The following GRAMD1A variants were observed in gnomAD, a reference collection of about 807,000 sequenced individuals.
GRAMD1A encodes protein Aster-A.
Under a neutral mutation model 92.0 loss-of-function variants are expected in GRAMD1A, and 50 were observed. That is an observed-to-expected ratio of 0.54 (90% confidence interval 0.43 to 0.69). GRAMD1A has a LOEUF of 0.69. Among genes scored for constraint, GRAMD1A ranks in the 30% least tolerant of loss-of-function variants. The pLI is 0.00. For synonymous variants in GRAMD1A, 405 were observed against 403.6 expected, an observed-to-expected ratio of 1.00 and a Z score of -0.04; for missense variants, 819 against 978.9, an observed-to-expected ratio of 0.84 and a Z score of 2.18.
intron 11 of GRAMD1A, among the ~76,000 whole-genome samples, chr19:35,018,385 G>C (rs1046213137): frequency 6.6e-6 from 1 of 152,176 alleles, no homozygotes; most frequent in Admixed American, 6.5e-5. Flanking sequence ...TAAATGACCA[G>C]ATCTCGGAAG....
At chr19:34,998,207 T>C (rs1035394387), upstream of GRAMD1A, 1 of 151,966 alleles carries the variant, frequency 6.6e-6, no homozygotes, top group African/African-American at 2.4e-5. Context: ...CATTTATTTC[T>C]TTTAAAAAAA....
chr19:34,998,997 C>G (rs1185333829), upstream of GRAMD1A, among the ~76,000 whole-genome samples: 3 of 151,944 alleles, frequency 2.0e-5, no homozygotes, highest in Non-Finnish European at 4.4e-5. Context: ...TTGCTTTTAC[C>G]TGGAGTGAGG....
chr19:35,002,892 A>T (rs2014493187), intron 1 of GRAMD1A: 1 of 152,180 alleles, frequency 6.6e-6, no homozygotes, highest in Non-Finnish European at 1.5e-5. Context: ...CTCTTTGCTG[A>T]GACTTCCTCG....
At chr19:35,024,457 G>A (rs2016297826) in intron 19 of GRAMD1A, among the ~76,000 whole-genome samples, 1 of 152,106 alleles carries the variant, frequency 6.6e-6, no homozygotes, top group African/African-American at 2.4e-5. Context: ...CGGTGGGTCA[G>A]AGCAAGTGTC....
intron 1 of GRAMD1A, among the ~76,000 whole-genome samples, chr19:35,006,884 A>C (rs1257243716): frequency 6.6e-6 from 1 of 152,168 alleles, no homozygotes; most frequent in Non-Finnish European, 1.5e-5. Flanking sequence ...ATGCGGAAGG[A>C]GAGCATTTGA....
intron 1 of GRAMD1A, among the ~76,000 whole-genome samples, chr19:35,006,088 G>C (rs775325413): frequency 6.6e-6 from 1 of 152,206 alleles, no homozygotes; most frequent in Non-Finnish European, 1.5e-5. Context: ...AGCACTTTGG[G>C]ATGCTGAGGC....
Position 35,022,915 on chromosome 19 carries a change from G to A in GRAMD1A, c.1853+4G>A. ...GCTGCTGCAGGATCTGTGTGAGGTA[G>A]GGTCCCGAGTCCTCCCCCTGCCCTC... On this transcript the variant is annotated splice_donor_region_variant and intron_variant, in intron 17 of 19. Coordinates refer to ENST00000317991, the MANE Select transcript of GRAMD1A (RefSeq NM_020895.5). 3 of 1,599,508 alleles carry A rather than the reference G, an allele frequency of 1.9e-6. No individual in the cohort carries two copies. The highest frequency in any genetic ancestry group is 2.6e-6 in the Non-Finnish European group (3 of 1,172,594).
intron 13 of GRAMD1A, among the ~76,000 whole-genome samples, 175 bp downstream of exon 13, chr19:35,019,708 A>T (rs1005498293): frequency 6.6e-6 from 1 of 152,102 alleles, no homozygotes; most frequent in African/African-American, 2.4e-5. Context: ...TGGCCCTGGG[A>T]TGGCTCCTCC....
chr19:35,010,040 C>T (rs992443966), intron 4 of GRAMD1A, 52 bp from the exon 5 acceptor site: 8 of 1,525,240 alleles, frequency 5.2e-6, no homozygotes, highest in South Asian at 3.4e-5. Context: ...CCGCGGGCGC[C>T]GGCTGAGCCT....
In GRAMD1A at chr19:35,014,302, C is replaced by T. The variant is rs1241748648; in HGVS notation, c.984C>T (p.Pro328=). The change falls in exon 10 of 20, where the codon CCC becomes CCT. Residue 328 remains proline (P), a synonymous_variant. Transcript: ENST00000317991. ...PSTEPTQPDG[P]TTLGPLDLLP... ...CAGAGCCCACCCAGCCTGACGGGCC[C>T]ACCACCCTGGGCCCCTTGGATCTGC... 6.2e-7 allele frequency: 1 copy of T among 1,614,162 alleles called. No individual in the cohort carries two copies. The highest frequency in any genetic ancestry group is 1.1e-5 in the South Asian group (1 of 91,086).
intron 3 of GRAMD1A, 41 bp from the exon 4 acceptor site, chr19:35,009,847 G>A (rs201538376): frequency 2.9e-5 from 35 of 1,195,308 alleles, no homozygotes; most frequent in Non-Finnish European, 4.4e-5. Flanking sequence ...CATTGGGAGT[G>A]TGAACCCCCA....
At chr19:35,025,971 A>G (rs2151741621) in intron 19 of GRAMD1A, 78 bp from the exon 20 acceptor site, 6 of 798,088 alleles carry the variant, frequency 7.5e-6, no homozygotes, top group East Asian at 2.5e-5. Flanking sequence ...CAGTTTCTCA[A>G]TGGCAAGGTG....
Position 35,013,463 on chromosome 19 carries a change from G to A in GRAMD1A, c.720-78G>A. On this transcript the variant is annotated intron_variant, in intron 8 of 19. Transcript: ENST00000317991. The surrounding 1 kb of genome is among the most constrained non-coding windows in gnomAD (Gnocchi z 4.9). ...GAGTGCTGGGGGGCCTGAGATGGTT[G>A]TATGACGTCTGGAGGATTCAGGAGG... 1.3e-6 allele frequency: 2 copies of A among 1,544,144 alleles called. No homozygotes were observed. The highest frequency in any genetic ancestry group is 1.7e-4 in the Middle Eastern group (1 of 5,870).
At chr19:34,997,168 C>A (rs1377763357), upstream of GRAMD1A, among the ~76,000 whole-genome samples, 1 of 152,054 alleles carries the variant, frequency 6.6e-6, no homozygotes, top group Non-Finnish European at 1.5e-5. Flanking sequence ...CCCTCCTCGG[C>A]CTCCCAAAGT....
At chr19:35,019,681 G>T in intron 13 of GRAMD1A, 148 bp downstream of exon 13, 1 of 775,674 alleles carries the variant, frequency 1.3e-6, no homozygotes, top group African/African-American at 1.7e-5. Flanking sequence ...TCCGAATAGT[G>T]GAGGGTAGAG....
At chr19:35,000,313 C>T (rs528677046), upstream of GRAMD1A, 89 of 1,048,544 alleles carry the variant, frequency 8.5e-5, no homozygotes, top group South Asian at 2.8e-3. This position sits in a 1 kb window ranked among gnomAD's most constrained non-coding sequence, Gnocchi z 4.9. Flanking sequence ...CGGCCTCCGG[C>T]GGCTCCGGCC....
intron 17 of GRAMD1A, 34 bp downstream of exon 17, chr19:35,022,945 C>T: frequency 2.7e-6 from 4 of 1,463,716 alleles, no homozygotes; most frequent in Non-Finnish European, 3.8e-6. Flanking sequence ...GCCCTCCCCT[C>T]CCTGCACCCC....
rs750877472 is a variant in GRAMD1A, at chr19:35,013,569, G to A, written c.748G>A (p.Ala250Thr). 13 of 1,610,772 alleles carry A rather than the reference G, an allele frequency of 8.1e-6. No homozygotes were observed. Among genetic ancestry groups the A allele is most frequent in the South Asian group, 3.3e-5 (3 of 90,682 alleles). The part of the protein sequence containing the change: ...GTPKEVGDVI[A>T]LSDITSSGAA... ...CCCCAAGGAAGTGGGAGATGTGATC[G>A]CCCTGAGCGACATCACCTCCTCGGG... is the stretch of plus-strand genomic sequence containing the variant. Residue 250 changes from alanine to threonine, a missense_variant, in exon 9 of 20, where the codon GCC (alanine) becomes ACC (threonine). By Grantham distance (58) the Ala-to-Thr change is moderately conservative. This residue lies in a region of GRAMD1A where 577 missense variants were observed against 674.6 expected (regional missense o/e 0.86). Transcript: ENST00000317991. The surrounding 1 kb of genome is among the most constrained non-coding windows in gnomAD (Gnocchi z 4.9).
rs940464410 is a variant in GRAMD1A, at chr19:35,021,770, G to T, written c.1659G>T (p.Arg553=). The change falls in exon 15 of 20, where the codon CGG becomes CGT. Residue 553 remains arginine, a synonymous_variant. Coordinates refer to ENST00000317991, the MANE Select transcript of GRAMD1A (RefSeq NM_020895.5). This position sits in a 1 kb window ranked among gnomAD's most constrained non-coding sequence, Gnocchi z 5.3. The part of the protein sequence containing the change: ...KDARGLLSGL[R]RRKRPLSWRA... ...CCCGGGGCTTGCTATCCGGCCTGCG[G>T]CGGCGGAAGCGGCCCCTGAGCTGGC... 3 of 1,612,706 alleles carry T rather than the reference G, an allele frequency of 1.9e-6. No individual in the cohort carries two copies. The highest frequency in any genetic ancestry group is 3.3e-4 in the Middle Eastern group (2 of 6,056).
Sources: gnomAD v4.1 joint callset for allele counts (sites outside exome capture counted in the v4.1 genomes callset) on GRCh38, gnomAD v4.1.1 for gene constraint, gnomAD v4.1.1 regional missense constraint, Gnocchi (gnomAD v3.1) non-coding constraint, MANE v1.5 for transcripts, NCBI Gene and HGNC (gene_info 2026-07-23, HGNC 2026-07-21) for gene names.